Variants in MTFR1 observed in about 807,000 individuals in gnomAD.
MTFR1 encodes chondrocyte protein with a poly-proline region.
Under a neutral mutation model 38.8 loss-of-function variants are expected in MTFR1, and 28 were observed. The ratio of observed to expected loss-of-function variants is 0.72; its 90% CI spans 0.53 to 0.99. The LOEUF (loss-of-function observed/expected upper bound fraction) is 0.99, where lower values mean the gene tolerates loss of function less well. Ranked by LOEUF, MTFR1 falls within the 50% of genes least tolerant of loss-of-function variation. The pLI, the probability that MTFR1 is intolerant of heterozygous loss-of-function variation, is 0.00. For synonymous variants in MTFR1, 145 were observed against 137.0 expected (o/e 1.06, Z -0.41); for missense variants, 358 against 395.5 (o/e 0.91, Z 0.81).
At chr8:65,728,061 C>T (rs1024610610) in intron 3 of MTFR1, 17 of 152,218 alleles carry the variant, frequency 1.1e-4, no homozygotes, top group Non-Finnish European at 2.2e-4. Context: ...CTCTCATTTT[C>T]TGGCAAACTT....
chr8:65,719,621 A>T (rs1806291416), intron 3 of MTFR1: 2 of 656,724 alleles, frequency 3.0e-6, no homozygotes. Context: ...TCTTCAAAAG[A>T]TTCCTGTGTA....
At chr8:65,668,048 T>C (rs1001279758) in intron 1 of MTFR1, among the ~76,000 whole-genome samples, 34 of 152,220 alleles carry the variant, frequency 2.2e-4, no homozygotes, top group African/African-American at 7.5e-4. Flanking sequence ...AAAGCTCTTC[T>C]CACAACGTAG....
intron 3 of MTFR1, among the ~76,000 whole-genome samples, chr8:65,732,171 G>A (rs542776698): frequency 2.0e-5 from 3 of 151,196 alleles, no homozygotes; most frequent in African/African-American, 7.3e-5. Context: ...GCTAATTTTT[G>A]TATTTTTAGT....
intron 4 of MTFR1, among the ~76,000 whole-genome samples, chr8:65,696,011 A>G (rs1175148402): frequency 6.6e-6 from 1 of 152,146 alleles, no homozygotes. Context: ...GGTAGAGGGT[A>G]TTGTTATGGA....
chr8:65,648,299 G>T (rs1352765157), intron 1 of MTFR1, among the ~76,000 whole-genome samples: 2 of 152,176 alleles, frequency 1.3e-5, no homozygotes, highest in African/African-American at 4.8e-5. Flanking sequence ...TTACAGGCGT[G>T]AGTCACCATG....
chr8:65,744,858 A>G (rs1430195123), intron 3 of MTFR1, among the ~76,000 whole-genome samples: 1 of 152,258 alleles, frequency 6.6e-6, no homozygotes, highest in Non-Finnish European at 1.5e-5. Context: ...ATCAAAACAT[A>G]AAATTATGAG....
rs149404941 is a variant in MTFR1, at chr8:65,657,758, T to C, written c.-80-12115T>C. On this transcript the variant is annotated intron_variant, in intron 1 of 7. Transcript: ENST00000262146. The stretch of plus-strand genomic sequence containing the variant: ...GTAATGATTGTCTTCCTCTGAGTGG[T>C]AGAGAGAACAATAACTTCACGTTCC... 1.4e-4 allele frequency among the ~76,000 whole-genome samples: 22 copies of C among 151,788 alleles called. No individual in the cohort carries two copies. The East Asian group carries it at 4.3e-3, about 29-fold the overall frequency.
At position 65,730,569 on chromosome 8, in the gene MTFR1, T is replaced by C. The variant is rs7007539; in HGVS notation, c.*48+11088T>C. ...ATCCCCCTCCCCATCCAAGGAAATA[T>C]TGTCTTCCGTGAAACTGGTCCCTGA... is the stretch of plus-strand genomic sequence containing the variant. On this transcript the variant is annotated intron_variant, in intron 3 of 3. Coordinates refer to the MTFR1 transcript ENST00000521247. Among the ~76,000 whole-genome samples the C allele has an allele frequency of 1.6e-3, 244 of 152,202 alleles. 2 individuals carry two copies. The highest frequency in any genetic ancestry group is 5.2e-3 in the African/African-American group (215 of 41,530).
intron 4 of MTFR1, among the ~76,000 whole-genome samples, chr8:65,704,260 C>T (rs1389147431): frequency 6.6e-6 from 1 of 152,014 alleles, no homozygotes; most frequent in Non-Finnish European, 1.5e-5. Context: ...AGTAATTTGT[C>T]CTTTATTTTC....
intron 1 of MTFR1, among the ~76,000 whole-genome samples, chr8:65,666,928 G>A (rs1804396974): frequency 6.6e-6 from 1 of 152,108 alleles, no homozygotes; most frequent in South Asian, 2.1e-4. Flanking sequence ...TACACATACT[G>A]TATATCTGAT....
intron 3 of MTFR1, among the ~76,000 whole-genome samples, chr8:65,756,202 T>C (rs1298249788): frequency 6.6e-6 from 1 of 152,242 alleles, no homozygotes; most frequent in Non-Finnish European, 1.5e-5. Flanking sequence ...TTCTTACTCT[T>C]TGGGTTTCAA....
At chr8:65,773,726 T>A (rs763090577), downstream of MTFR1, among the ~76,000 whole-genome samples, 13 of 152,312 alleles carry the variant, frequency 8.5e-5, no homozygotes, top group Middle Eastern at 3.4e-3. Context: ...GGTTTCCTAG[T>A]GATTTAGATA....
chr8:65,682,499 A>G (rs1022893679), intron 3 of MTFR1, 48 bp downstream of exon 3: 4 of 1,002,284 alleles, frequency 4.0e-6, no homozygotes, highest in African/African-American at 3.4e-5. Flanking sequence ...TGTACATTAG[A>G]AATATAAATA....
At chr8:65,721,110 CCT>C (rs139682764) in intron 3 of MTFR1, among the ~76,000 whole-genome samples, 2,757 of 152,158 alleles carry the variant, frequency 0.018, 24 homozygotes, top group African/African-American at 0.024. Context: ...CATGGACCAG[CCT>C]CTCTCTTGGA....
intron 1 of MTFR1, among the ~76,000 whole-genome samples, chr8:65,648,299 G>C (rs1352765157): frequency 6.6e-6 from 1 of 152,176 alleles, no homozygotes; most frequent in East Asian, 1.9e-4. Context: ...TTACAGGCGT[G>C]AGTCACCATG....
intron 3 of MTFR1, among the ~76,000 whole-genome samples, chr8:65,743,459 A>AG (rs1419331068): frequency 6.6e-6 from 1 of 152,336 alleles, no homozygotes; most frequent in East Asian, 1.9e-4. Flanking sequence ...AAAGGCAGGG[A>AG]GGCAGGAGGG....
chr8:65,738,438 C>T (rs1021650179), intron 3 of MTFR1, among the ~76,000 whole-genome samples: 1 of 152,134 alleles, frequency 6.6e-6, no homozygotes, highest in Non-Finnish European at 1.5e-5. Context: ...ACCTAAAGGA[C>T]GGACAAAGAC....
chr8:65,751,044 T>C (rs1807929274), intron 3 of MTFR1, among the ~76,000 whole-genome samples: 1 of 152,224 alleles, frequency 6.6e-6, no homozygotes, highest in Non-Finnish European at 1.5e-5. Context: ...TTACTGATTA[T>C]GTCACAGACA....
chr8:65,644,258 G>C (rs1808887838), upstream of MTFR1, among the ~76,000 whole-genome samples: 1 of 152,176 alleles, frequency 6.6e-6, no homozygotes, highest in African/African-American at 2.4e-5. Context: ...GAGGCACTTT[G>C]TAATCCCCGC....
Sources: gnomAD v4.1 joint callset for allele counts (sites outside exome capture counted in the v4.1 genomes callset) on GRCh38, gnomAD v4.1.1 for gene constraint, MANE v1.5 for transcripts, NCBI Gene and HGNC (gene_info 2026-07-23, HGNC 2026-07-21) for gene names.